The following UMAD1 variants were observed in gnomAD, a reference collection of about 807,000 sequenced individuals.
UMAD1 encodes the protein UBAP1-MVB12-associated (UMA)-domain containing protein 1.
In UMAD1, 8 loss-of-function variants were observed where a neutral mutation model predicts 6.1. The observed-to-expected ratio is 1.30, with a 90% CI of 0.76 to 2.35. The LOEUF (loss-of-function observed/expected upper bound fraction) is 2.35, where lower values mean the gene tolerates loss of function less well. Among genes scored for constraint, UMAD1 ranks in the 30% most tolerant of loss-of-function variants. UMAD1 has a pLI of 0.00. For missense variants in UMAD1, 130 were observed against 78.4 expected (o/e 1.66, Z -2.49); for synonymous variants, 56 against 31.4 (o/e 1.78, Z -2.61).
chr7:7,727,015 A>T (rs959075452), intron 2 of UMAD1, among the ~76,000 whole-genome samples: 3 of 152,208 alleles, frequency 2.0e-5, no homozygotes, highest in Non-Finnish European at 4.4e-5. Context: ...GCAGGACTAC[A>T]AATGGCCAAG....
At chr7:7,682,778 A>T (rs1563118517) in intron 2 of UMAD1, among the ~76,000 whole-genome samples, 1 of 152,202 alleles carries the variant, frequency 6.6e-6, no homozygotes, top group Non-Finnish European at 1.5e-5. Flanking sequence ...CATTTAATTT[A>T]CTTAGCAGTT....
intron 2 of UMAD1, among the ~76,000 whole-genome samples, chr7:7,708,006 C>A (rs998159512): frequency 9.9e-5 from 15 of 152,128 alleles, no homozygotes; most frequent in African/African-American, 3.6e-4. Context: ...TGCGGCTCCT[C>A]CTGAATCACA....
intron 2 of UMAD1, among the ~76,000 whole-genome samples, chr7:7,706,153 T>C (rs1419175343): frequency 6.6e-6 from 1 of 152,202 alleles, no homozygotes; most frequent in Non-Finnish European, 1.5e-5. Flanking sequence ...TTGTGTATGT[T>C]GACTGATTTG....
intron 3 of UMAD1, among the ~76,000 whole-genome samples, chr7:7,825,898 G>T (rs542060049): frequency 6.6e-6 from 1 of 152,020 alleles, no homozygotes; most frequent in Non-Finnish European, 1.5e-5. Flanking sequence ...CAAGTCTCAG[G>T]TATAAAATGG....
At chr7:7,748,298 ATTGT>A (rs766486069) in intron 2 of UMAD1, among the ~76,000 whole-genome samples, 1 of 152,074 alleles carries the variant, frequency 6.6e-6, no homozygotes, top group Non-Finnish European at 1.5e-5. Flanking sequence ...TTGTTATGTA[ATTGT>A]TTATGTCATA....
chr7:7,734,842 G>A (rs760031582), intron 2 of UMAD1, among the ~76,000 whole-genome samples: 8 of 152,002 alleles, frequency 5.3e-5, no homozygotes, highest in African/African-American at 1.7e-4. Context: ...ATAAAACAAT[G>A]TGTTTAACCC....
At chr7:7,811,839 A>G (rs1430757240) in intron 3 of UMAD1, among the ~76,000 whole-genome samples, 3 of 152,148 alleles carry the variant, frequency 2.0e-5, no homozygotes, top group Non-Finnish European at 4.4e-5. Flanking sequence ...GCTCTTCCTA[A>G]GAGTGTTTGT....
intron 3 of UMAD1, among the ~76,000 whole-genome samples, chr7:7,809,686 A>G (rs1439799318): frequency 6.6e-6 from 1 of 151,782 alleles, no homozygotes; most frequent in African/African-American, 2.4e-5. Context: ...TTTGATCAGC[A>G]TCTTCCCTTT....
At chr7:7,755,582 C>T (rs1206643895) in intron 2 of UMAD1, among the ~76,000 whole-genome samples, 5 of 152,170 alleles carry the variant, frequency 3.3e-5, no homozygotes, top group Admixed American at 1.3e-4. Flanking sequence ...CCACTCACTA[C>T]AGTCCAGCCT....
rs530815911 is a variant in UMAD1 at position 7,673,704 on chromosome 7, T to C, written c.82+251T>C. ...TTAAATGTGTAAAATCACTTCTTTT[T>C]CCCCCCCTTTTTTTTTTTAACTGTG... is the stretch of plus-strand genomic sequence containing the variant. On this transcript the variant is annotated intron_variant, in intron 2 of 3. Coordinates refer to ENST00000682710, the MANE Select transcript of UMAD1 (RefSeq NM_001302348.2). Among the ~76,000 whole-genome samples, 12 of 150,084 alleles carry C rather than the reference T, an allele frequency of 8.0e-5. No individual in the cohort carries two copies. In the South Asian group the frequency reaches 1.7e-3, roughly 21 times the overall value.
intron 3 of UMAD1, among the ~76,000 whole-genome samples, chr7:7,872,815 C>T (rs552349216): frequency 5.9e-5 from 9 of 152,286 alleles, no homozygotes; most frequent in Non-Finnish European, 7.4e-5. Context: ...AACTCTAGAA[C>T]ATTCTATACA....
At chr7:7,803,503 G>T (rs1476402094) in intron 3 of UMAD1, among the ~76,000 whole-genome samples, 1 of 152,166 alleles carries the variant, frequency 6.6e-6, no homozygotes, top group East Asian at 1.9e-4. Context: ...TGGGATTTGG[G>T]AGATAACCAC....
chr7:7,666,236 C>T (rs1308063194), intron 1 of UMAD1, among the ~76,000 whole-genome samples: 1 of 151,986 alleles, frequency 6.6e-6, no homozygotes, highest in Non-Finnish European at 1.5e-5. Flanking sequence ...GGTCTCATAG[C>T]CCTGTCACCC....
At chr7:7,801,825 C>A in intron 3 of UMAD1, 82 bp downstream of exon 3, 3 of 690,238 alleles carry the variant, frequency 4.3e-6, no homozygotes, top group Non-Finnish European at 8.0e-6. Flanking sequence ...TAAATAGTAA[C>A]TTCTGCTCTT....
Position 7,858,780 on chromosome 7 carries a change from C to T in UMAD1, c.157-18501C>T, listed in dbSNP as rs574997997. On this transcript the variant is annotated intron_variant, in intron 3 of 3. Coordinates refer to ENST00000682710, the MANE Select transcript of UMAD1 (RefSeq NM_001302348.2). ...TTTTCCATTTCTGACAGTTAGCAGA[C>T]GGATTATGCTCACACTTTCACTTCT... 1.4e-4 allele frequency among the ~76,000 whole-genome samples: 21 copies of T among 152,260 alleles called. No homozygotes were observed. In the East Asian group the frequency reaches 2.5e-3, roughly 18 times the overall value.
At chr7:7,755,481 C>T (rs1781759948) in intron 2 of UMAD1, among the ~76,000 whole-genome samples, 1 of 152,148 alleles carries the variant, frequency 6.6e-6, no homozygotes, top group African/African-American at 2.4e-5. Flanking sequence ...TTTCAGAATT[C>T]AGAGTCTAAA....
At chr7:7,781,809 A>T (rs560301451) in intron 2 of UMAD1, among the ~76,000 whole-genome samples, 2 of 152,010 alleles carry the variant, frequency 1.3e-5, no homozygotes, top group African/African-American at 4.8e-5. Context: ...CATTTAATTT[A>T]TAATTTCAGA....
chr7:7,819,315 T>C (rs1001463074), intron 3 of UMAD1, among the ~76,000 whole-genome samples: 6 of 149,000 alleles, frequency 4.0e-5, no homozygotes, highest in African/African-American at 1.5e-4. Flanking sequence ...CTTCTCAAAA[T>C]TTTAAGCCCC....
rs1295048329 is a variant in UMAD1 at position 7,830,869 on chromosome 7, A to T, written c.156+29126A>T. On this transcript the variant is annotated intron_variant, in intron 3 of 3. Transcript: ENST00000682710. The surrounding 1 kb of genome is among the most constrained non-coding windows in gnomAD (Gnocchi z 5.3). ...TCTTCCCATCTTTTTAAGTATCTGC[A>T]TAGAAAAATTTGTTATTAGTTTTTA... Among the ~76,000 whole-genome samples, 1 of 150,534 alleles carries T rather than the reference A, an allele frequency of 6.6e-6. No homozygotes were observed. Among genetic ancestry groups the T allele is most frequent in the East Asian group, 1.9e-4 (1 of 5,204 alleles).
Sources: allele counts gnomAD v4.1 joint callset (sites outside exome capture counted in the v4.1 genomes callset), GRCh38; gene constraint gnomAD v4.1.1; non-coding constraint Gnocchi (gnomAD v3.1); transcripts MANE v1.5; gene names NCBI Gene and HGNC (gene_info 2026-07-23, HGNC 2026-07-21).